Variants in RSBN1L observed in about 807,000 individuals in gnomAD.
RSBN1L encodes round spermatid basic protein 1 like.
Under a neutral mutation model 67.7 loss-of-function variants are expected in RSBN1L, and 30 were observed. The ratio of observed to expected loss-of-function variants is 0.44; its 90% CI spans 0.33 to 0.60. The LOEUF (loss-of-function observed/expected upper bound fraction) is 0.60. Ranked by LOEUF, RSBN1L falls within the 20% of genes least tolerant of loss-of-function variation. RSBN1L has a pLI of 0.02. For synonymous variants in RSBN1L, 433 were observed against 387.0 expected, an observed-to-expected ratio of 1.12 and a Z score of -1.39; for missense variants, 992 against 1,031.7, an observed-to-expected ratio of 0.96 and a Z score of 0.53.
intron 1 of RSBN1L, among the ~76,000 whole-genome samples, chr7:77,717,422 A>T (rs2150415120): frequency 6.6e-6 from 1 of 152,326 alleles, no homozygotes; most frequent in East Asian, 1.9e-4. Context: ...AATTGGATAT[A>T]TAATGTTATA....
At chr7:77,758,022 G>C (rs2150428772) in intron 3 of RSBN1L, among the ~76,000 whole-genome samples, 1 of 152,142 alleles carries the variant, frequency 6.6e-6, no homozygotes, top group African/African-American at 2.4e-5. Flanking sequence ...CTGGACGACA[G>C]AGTGAGACTC....
Position 77,768,648 on chromosome 7 carries a change from T to C in RSBN1L, c.1483-13T>C, listed in dbSNP as rs767151957. On this transcript the variant is annotated splice_polypyrimidine_tract_variant and intron_variant, in intron 4 of 7. Transcript: ENST00000334955. ...TGAAAATAATTGCAATCTGCATAAT[T>C]ATTTATCTCCAGTGTACACTGCCAT... 8 of 1,607,146 alleles carry C rather than the reference T, an allele frequency of 5.0e-6. No homozygotes were observed. The Admixed American group carries it at 1.2e-4, about 24-fold the overall frequency.
chr7:77,698,741 C>G (rs1198480718), intron 1 of RSBN1L, among the ~76,000 whole-genome samples: 1 of 152,130 alleles, frequency 6.6e-6, no homozygotes, highest in African/African-American at 2.4e-5. Context: ...TGGGAATGAT[C>G]TTTTCCCATG....
chr7:77,712,828 G>C (rs1790993157), intron 1 of RSBN1L, among the ~76,000 whole-genome samples: 1 of 151,782 alleles, frequency 6.6e-6, no homozygotes, highest in Non-Finnish European at 1.5e-5. Context: ...ACAATGTGTA[G>C]GCGTTTATTC....
At chr7:77,755,711 C>G (rs1021458109) in intron 3 of RSBN1L, among the ~76,000 whole-genome samples, 1 of 151,722 alleles carries the variant, frequency 6.6e-6, no homozygotes, top group Non-Finnish European at 1.5e-5. Flanking sequence ...GATAAGCCCA[C>G]TGAAAAAAAA....
chr7:77,696,496 C>T lies in RSBN1L; in HGVS notation c.27C>T (p.His9=), dbSNP rs376400062. 4.8e-5 allele frequency: 78 copies of T among 1,613,154 alleles called. No individual in the cohort carries two copies. The highest frequency in any genetic ancestry group is 6.4e-5 in the Non-Finnish European group (75 of 1,179,672). The change falls in exon 1 of 8, where the codon CAC becomes CAT. Residue 9 remains histidine, a synonymous_variant. Transcript: ENST00000334955. MAEPPSPV[H]CVAAAAPTAT... is the part of the protein sequence containing the mutation. ...TGGCGGAACCGCCGAGCCCCGTGCA[C>T]TGTGTCGCTGCCGCGGCCCCCACCG...
intron 3 of RSBN1L, among the ~76,000 whole-genome samples, chr7:77,758,430 A>G (rs1366604529): frequency 6.6e-6 from 1 of 152,256 alleles, no homozygotes; most frequent in African/African-American, 2.4e-5. Context: ...GCAATATGAA[A>G]TAAGTGCATC....
In RSBN1L at chr7:77,697,004, G is replaced by T. The variant is rs1430827712; in HGVS notation, c.535G>T (p.Ala179Ser). 13 of 1,530,192 alleles carry T rather than the reference G, an allele frequency of 8.5e-6. No homozygotes were observed. Among genetic ancestry groups the T allele is most frequent in the Non-Finnish European group, 1.1e-5 (13 of 1,144,912 alleles). The allele number at this position is 1,530,192 out of a possible 1,614,324, so 94.8% of individuals were successfully genotyped here. A position where few individuals can be genotyped will look rare whatever the true frequency, so the allele number is the denominator to read the frequency against. Reference protein sequence around the residue: ...RRHGLGGAREAGGASREENGE... With the variant: ...RRHGLGGARESGGASREENGE... ...GCACGGTCTCGGTGGGGCCCGAGAGGCCGGCGGGGCCTCCCGGGAGGAGAA... is the reference window on the plus strand; with the variant it reads ...GCACGGTCTCGGTGGGGCCCGAGAGTCCGGCGGGGCCTCCCGGGAGGAGAA... The change falls in exon 1 of 8, where the codon GCC (alanine) becomes TCC (serine). Residue 179 changes from alanine to serine, a missense_variant. Transcript: ENST00000334955.
chr7:77,767,691 T>C (rs1791788660), intron 4 of RSBN1L, among the ~76,000 whole-genome samples: 1 of 147,838 alleles, frequency 6.8e-6, no homozygotes, highest in African/African-American at 2.5e-5. Flanking sequence ...TTCTCTTTTC[T>C]CTTCCCCTTC....
rs1791808017 is a variant in RSBN1L at position 77,768,777 on chromosome 7, G to A, written c.1599G>A (p.Met533Ile). The A allele has an allele frequency of 1.2e-6, 2 of 1,613,924 alleles. No individual in the cohort carries two copies. The highest frequency in any genetic ancestry group is 1.3e-5 in the African/African-American group (1 of 74,916). Residue 533 changes from methionine (M) to isoleucine (I), a missense_variant, in exon 5 of 8, where the codon ATG (methionine) becomes ATA (isoleucine). By Grantham distance (10) the Met-to-Ile change is conservative (BLOSUM62 1). Transcript: ENST00000334955. ...PGEQMIPVADMPKSPFKRKRT... is the reference protein window; with the variant it reads ...PGEQMIPVADIPKSPFKRKRT... ...AACAAATGATCCCTGTGGCTGATAT[G>A]CCAAAGTCACCTTTCAAAAGGAAAA... is the stretch of plus-strand genomic sequence containing the variant.
chr7:77,745,920 G>A (rs563248800), intron 2 of RSBN1L, among the ~76,000 whole-genome samples: 6 of 152,240 alleles, frequency 3.9e-5, no homozygotes, highest in Admixed American at 3.3e-4. Context: ...TCACATGCAT[G>A]GTTCATAATA....
rs545519439 is a variant in RSBN1L at position 77,709,493 on chromosome 7, A to G, written c.586+12438A>G. On this transcript the variant is annotated intron_variant, in intron 1 of 7. Coordinates refer to ENST00000334955, the MANE Select transcript of RSBN1L (RefSeq NM_198467.3). Reference sequence around the variant, plus strand: ...TTAGTAGAGCTGGGGTTTCACCATAATGGCCAGGCTGGTCTCAAACTCCTG... The same window carrying G: ...TTAGTAGAGCTGGGGTTTCACCATAGTGGCCAGGCTGGTCTCAAACTCCTG... 5.3e-5 allele frequency among the ~76,000 whole-genome samples: 8 copies of G among 151,902 alleles called. No homozygotes were observed. In the South Asian group the frequency reaches 1.3e-3, roughly 24 times the overall value.
At chr7:77,754,808 G>A (rs1270358490) in intron 3 of RSBN1L, among the ~76,000 whole-genome samples, 4 of 152,226 alleles carry the variant, frequency 2.6e-5, no homozygotes, top group African/African-American at 7.2e-5. Context: ...ATGTCTCTTT[G>A]AAAATGAAGA....
Position 77,768,813 on chromosome 7 carries a change from A to G in RSBN1L, c.1625+10A>G. On this transcript the variant is annotated intron_variant, in intron 5 of 7. Transcript: ENST00000334955. ...CTTTCAAAAGGAAAAGGTATGTTGT[A>G]TACACATTTTTATTGGAGGGGATGA... 1 of 1,613,052 alleles carries G rather than the reference A, an allele frequency of 6.2e-7. No homozygotes were observed. Among genetic ancestry groups the G allele is most frequent in the Non-Finnish European group, 8.5e-7 (1 of 1,179,148 alleles).
intron 1 of RSBN1L, among the ~76,000 whole-genome samples, chr7:77,710,019 T>C (rs1412907702): frequency 6.6e-6 from 1 of 152,226 alleles, no homozygotes; most frequent in Non-Finnish European, 1.5e-5. Context: ...TACCCTCTGC[T>C]CTCATTGAAC....
chr7:77,756,735 G>A (rs1038156662), intron 3 of RSBN1L, among the ~76,000 whole-genome samples: 5 of 152,096 alleles, frequency 3.3e-5, no homozygotes, highest in East Asian at 1.9e-4. Flanking sequence ...CCGAGATTGC[G>A]CCACTGTACT....
intron 2 of RSBN1L, among the ~76,000 whole-genome samples, chr7:77,738,939 AAAAAAAC>A (rs1467428796): frequency 8.5e-5 from 13 of 152,092 alleles, no homozygotes; most frequent in East Asian, 1.9e-4. Context: ...ACTCCATCTC[AAAAAAAC>A]AAAAAACAAA....
intron 1 of RSBN1L, among the ~76,000 whole-genome samples, chr7:77,711,553 G>C (rs1790974870): frequency 6.6e-6 from 1 of 152,078 alleles, no homozygotes; most frequent in South Asian, 2.1e-4. Context: ...GTGTTGCTCA[G>C]GCTGGTCTTG....
At chr7:77,715,903 CTT>C (rs1269976729) in intron 1 of RSBN1L, among the ~76,000 whole-genome samples, 1 of 152,114 alleles carries the variant, frequency 6.6e-6, no homozygotes, top group Non-Finnish European at 1.5e-5. Flanking sequence ...ATATATATCT[CTT>C]TGATGAGTTG....
Sources: gnomAD v4.1 joint callset for allele counts (sites outside exome capture counted in the v4.1 genomes callset) on GRCh38, gnomAD v4.1.1 for gene constraint, MANE v1.5 for transcripts, NCBI Gene and HGNC (gene_info 2026-07-23, HGNC 2026-07-21) for gene names.